THAP8: variants seen among roughly 807,000 people sequenced by gnomAD.
The protein encoded by THAP8 is THAP domain-containing protein 8.
Under a neutral mutation model 25.0 loss-of-function variants are expected in THAP8, and 24 were observed. That is an observed-to-expected ratio of 0.96 (90% CI 0.69 to 1.35). THAP8 has a LOEUF of 1.35. Ranked by LOEUF, THAP8 falls within the 40% of genes most tolerant of loss-of-function variation. The pLI is 0.00. For synonymous variants in THAP8, 169 were observed against 157.6 expected, an observed-to-expected ratio of 1.07 and a Z score of -0.54; for missense variants, 399 against 368.8, an observed-to-expected ratio of 1.08 and a Z score of -0.67.
intron 1 of THAP8, among the ~76,000 whole-genome samples, chr19:36,041,100 C>G (rs2145436677): frequency 6.7e-6 from 1 of 150,070 alleles, no homozygotes; most frequent in African/African-American, 2.5e-5. Flanking sequence ...CGCTTGAGCC[C>G]AGGAGTTCGA....
At position 36,040,122 on chromosome 19, in the gene THAP8, T is replaced by C; in HGVS notation, c.98A>G (p.Asp33Gly). ...CAGCCAGGCCTGCAGCCGGGGACCATCCTTCAGTGGGAACCTGCATGGGTG... is the reference window on the plus strand; with the variant it reads ...CAGCCAGGCCTGCAGCCGGGGACCACCCTTCAGTGGGAACCTGCATGGGTG... ...PVSFYKFPLK[D>G]GPRLQAWLQH... The change falls in exon 2 of 4, where the codon GAT (aspartate) becomes GGT (glycine). Residue 33 changes from aspartate (D) to glycine (G), a missense_variant. Coordinates refer to ENST00000292894, the MANE Select transcript of THAP8 (RefSeq NM_152658.3). 1 of 1,607,682 alleles carries C rather than the reference T, an allele frequency of 6.2e-7. No individual in the cohort carries two copies. Among genetic ancestry groups the C allele is most frequent in the Non-Finnish European group, 8.5e-7 (1 of 1,176,472 alleles).
upstream of THAP8, chr19:36,054,678 C>T: frequency 1.7e-6 from 1 of 580,320 alleles, no homozygotes; most frequent in East Asian, 2.9e-5. Flanking sequence ...AAAATTAAAA[C>T]CTGTATGTTT....
chr19:36,054,362 G>C, upstream of THAP8: 1 of 974,950 alleles, frequency 1.0e-6, no homozygotes, highest in Non-Finnish European at 1.5e-6. Flanking sequence ...GGAGAGAGCT[G>C]AGAGCGCCTG....
At chr19:36,054,037 C>G in intron 1 of THAP8, 98 bp downstream of exon 1, 3 of 1,389,070 alleles carry the variant, frequency 2.2e-6, no homozygotes, top group Non-Finnish European at 3.0e-6. Flanking sequence ...CTAACACCCT[C>G]AAGCAAGACC....
intron 3 of THAP8, among the ~76,000 whole-genome samples, chr19:36,037,767 G>A (rs915506385): frequency 1.3e-5 from 2 of 152,088 alleles, no homozygotes; most frequent in African/African-American, 4.8e-5. Context: ...AGCCTCCCGA[G>A]TAGCTGGGAT....
chr19:36,035,284 A>C lies in THAP8; in HGVS notation c.*156T>G. 1.0e-6 allele frequency: 1 copy of C among 972,644 alleles called. No individual in the cohort carries two copies. 60.3% of individuals were successfully genotyped at this position (972,644 alleles called of 1,614,324 possible). ...TGGGCCCAGGTCACCCCTAAGGTTC[A>C]AGAGATCCCTAGGAGTGGGGTGGTA... On this transcript the variant is annotated 3_prime_UTR_variant, in exon 4 of 4. Coordinates refer to ENST00000292894, the MANE Select transcript of THAP8 (RefSeq NM_152658.3).
intron 1 of THAP8, among the ~76,000 whole-genome samples, chr19:36,051,153 A>G (rs1970045613): frequency 6.6e-6 from 1 of 152,184 alleles, no homozygotes; most frequent in South Asian, 2.1e-4. Context: ...ACAGTTTTCC[A>G]TAGGGTGGTA....
Position 36,044,597 on chromosome 19 carries a change from C to G in THAP8, c.84-4461G>C, listed in dbSNP as rs570347763. 6.6e-5 allele frequency among the ~76,000 whole-genome samples: 10 copies of G among 152,284 alleles called. No homozygotes were observed. In the South Asian group the frequency reaches 2.1e-3, roughly 32 times the overall value. ...CCTGAACTGCTAGGCCCAAGTGATC[C>G]TCCCACCTCAGCCTCCCGAGTACCT... On this transcript the variant is annotated intron_variant, in intron 1 of 3. Coordinates refer to ENST00000292894, the MANE Select transcript of THAP8 (RefSeq NM_152658.3).
chr19:36,037,319 A>ACAC (rs1969503529), intron 3 of THAP8, among the ~76,000 whole-genome samples: 2 of 60,806 alleles, frequency 3.3e-5, no homozygotes, highest in Non-Finnish European at 6.8e-5. Flanking sequence ...CACACACACA[A>ACAC]ACACCTTCCT....
intron 1 of THAP8, among the ~76,000 whole-genome samples, chr19:36,048,083 AT>A (rs1969934883): frequency 6.6e-6 from 1 of 152,186 alleles, no homozygotes; most frequent in Non-Finnish European, 1.5e-5. Context: ...TAAATATGAA[AT>A]TGACCAAGAG....
chr19:36,054,591 G>A, upstream of THAP8: 1 of 538,152 alleles, frequency 1.9e-6, no homozygotes, highest in Non-Finnish European at 3.4e-6. Flanking sequence ...CTACATCCGG[G>A]CAACCGTTGG....
chr19:36,050,875 C>A (rs1222124634), intron 1 of THAP8, among the ~76,000 whole-genome samples: 1 of 152,102 alleles, frequency 6.6e-6, no homozygotes, highest in African/African-American at 2.4e-5. Context: ...CCTGGAGAGC[C>A]CATCTGAAAG....
chr19:36,036,908 TCCAG>T (rs1265341229), intron 3 of THAP8, among the ~76,000 whole-genome samples: 1 of 131,000 alleles, frequency 7.6e-6, no homozygotes, highest in African/African-American at 3.0e-5. Flanking sequence ...ACCACTCCAC[TCCAG>T]CCTGGGCAAC....
intron 1 of THAP8, among the ~76,000 whole-genome samples, chr19:36,048,165 G>A (rs149762666): frequency 6.6e-6 from 1 of 152,290 alleles, no homozygotes; most frequent in East Asian, 1.9e-4. Context: ...AATAGGGATA[G>A]TTTATTCAGC....
At chr19:36,053,191 C>T (rs1222592187) in intron 1 of THAP8, among the ~76,000 whole-genome samples, 1 of 151,866 alleles carries the variant, frequency 6.6e-6, no homozygotes, top group Non-Finnish European at 1.5e-5. Context: ...CCTCAGCCCA[C>T]GGAGTAGCTG....
intron 1 of THAP8, among the ~76,000 whole-genome samples, chr19:36,050,804 G>C (rs146127615): frequency 6.6e-6 from 1 of 152,300 alleles, no homozygotes; most frequent in Non-Finnish European, 1.5e-5. Context: ...CAGGCTTAAA[G>C]TCCCTTTGGC....
chr19:36,036,927 C>T (rs181869894), intron 3 of THAP8, among the ~76,000 whole-genome samples: 2 of 125,762 alleles, frequency 1.6e-5, no homozygotes, highest in East Asian at 2.2e-4. Flanking sequence ...GGCAACAGAG[C>T]AAGACTCCTT....
chr19:36,037,047 A>C (rs1969480334), intron 3 of THAP8, among the ~76,000 whole-genome samples: 1 of 151,418 alleles, frequency 6.6e-6, no homozygotes, highest in South Asian at 2.1e-4. Context: ...CTGTGTGGGC[A>C]TCTCTCTCAT....
intron 3 of THAP8, among the ~76,000 whole-genome samples, chr19:36,037,216 A>G (rs545033272): frequency 1.3e-5 from 2 of 150,554 alleles, no homozygotes; most frequent in South Asian, 2.1e-4. Context: ...ACACAGAGAC[A>G]TAACACCCTT....
Sources: allele counts gnomAD v4.1 joint callset (sites outside exome capture counted in the v4.1 genomes callset), GRCh38; gene constraint gnomAD v4.1.1; transcripts MANE v1.5; gene names NCBI Gene and HGNC (gene_info 2026-07-23, HGNC 2026-07-21).